The following RORA variants were observed in gnomAD, a reference collection of about 807,000 sequenced individuals.
The protein encoded by RORA is RAR related orphan receptor A.
Under a neutral mutation model 69.5 loss-of-function variants are expected in RORA, and 7 were observed. That is an observed-to-expected ratio of 0.10 (90% CI 0.06 to 0.19). The LOEUF (loss-of-function observed/expected upper bound fraction) is 0.19. Ranked by LOEUF, RORA falls within the 10% of genes least tolerant of loss-of-function variation. The pLI is 1.00. For synonymous variants in RORA, 261 were observed against 240.8 expected (o/e 1.08, Z -0.78); for missense variants, 457 against 663.0 (o/e 0.69, Z 3.41).
At chr15:60,666,091 T>C (rs569758471) in intron 2 of RORA, among the ~76,000 whole-genome samples, 39 of 152,288 alleles carry the variant, frequency 2.6e-4, no homozygotes, top group African/African-American at 8.2e-4. Context: ...GACACACTTA[T>C]TTAAAATCTA....
At chr15:60,995,206 C>A (rs1224909940) in intron 1 of RORA, among the ~76,000 whole-genome samples, 1 of 152,078 alleles carries the variant, frequency 6.6e-6, no homozygotes, top group African/African-American at 2.4e-5. Flanking sequence ...TCTTTCCTTT[C>A]CGCAGATGCT....
chr15:60,889,375 C>T (rs945827485), intron 1 of RORA, among the ~76,000 whole-genome samples: 3 of 152,142 alleles, frequency 2.0e-5, no homozygotes, highest in Admixed American at 6.5e-5. Context: ...GGAAATCCCC[C>T]CTTCTGGAAT....
At chr15:61,228,856 G>A (rs551070065) in intron 1 of RORA, among the ~76,000 whole-genome samples, 197 bp downstream of exon 1, 2 of 150,422 alleles carry the variant, frequency 1.3e-5, no homozygotes, top group East Asian at 2.0e-4. Flanking sequence ...CCCGCAAGCC[G>A]AGAACGGGCT....
chr15:60,806,940 C>T (rs1337729918), intron 1 of RORA, among the ~76,000 whole-genome samples: 3 of 152,118 alleles, frequency 2.0e-5, no homozygotes, highest in African/African-American at 7.2e-5. Flanking sequence ...CTATGACAAA[C>T]CCACAGCCAA....
intron 2 of RORA, among the ~76,000 whole-genome samples, chr15:60,574,170 T>C (rs35958943): frequency 2.0e-5 from 3 of 152,138 alleles, no homozygotes; most frequent in Non-Finnish European, 4.4e-5. Flanking sequence ...CAGCCCCCAA[T>C]TGGAGCTATG....
chr15:61,152,616 T>A (rs189349516), intron 1 of RORA, among the ~76,000 whole-genome samples: 5 of 152,166 alleles, frequency 3.3e-5, no homozygotes, highest in Non-Finnish European at 1.5e-5. Flanking sequence ...AGTACCATTC[T>A]AGGTGCCGGG....
chr15:61,191,615 G>C (rs765624434), intron 1 of RORA, among the ~76,000 whole-genome samples: 1 of 152,086 alleles, frequency 6.6e-6, no homozygotes, highest in African/African-American at 2.4e-5. Context: ...CCCCTCTATC[G>C]TTCCTTCCAA....
chr15:60,599,530 G>A (rs1044262176), intron 2 of RORA, among the ~76,000 whole-genome samples: 1 of 152,116 alleles, frequency 6.6e-6, no homozygotes, highest in Admixed American at 6.5e-5. Flanking sequence ...CAGCCTGGGC[G>A]ACAGAGCAAG....
At chr15:60,696,035 T>C (rs913296446) in intron 1 of RORA, among the ~76,000 whole-genome samples, 10 of 152,186 alleles carry the variant, frequency 6.6e-5, no homozygotes, top group African/African-American at 1.9e-4. Context: ...ATTATTATTA[T>C]ATATTATGCT....
chr15:60,521,246 C>CTT (rs1393707401), intron 3 of RORA, among the ~76,000 whole-genome samples: 5 of 128,520 alleles, frequency 3.9e-5, no homozygotes, highest in African/African-American at 7.3e-5. Flanking sequence ...AAAAAATTGT[C>CTT]ATTTTTTTTT....
At chr15:60,906,975 G>A (rs1891560493) in intron 1 of RORA, among the ~76,000 whole-genome samples, 1 of 152,112 alleles carries the variant, frequency 6.6e-6, no homozygotes, top group South Asian at 2.1e-4. Flanking sequence ...AGGAAACTGA[G>A]GCTCAGAGTG....
At chr15:61,214,039 G>A (rs372268710) in intron 1 of RORA, 2 of 152,198 alleles carry the variant, frequency 1.3e-5, no homozygotes, top group African/African-American at 4.8e-5. Flanking sequence ...AGAGATATGG[G>A]ACAGAACACT....
chr15:60,589,301 G>T (rs925936242), intron 2 of RORA, among the ~76,000 whole-genome samples: 7 of 152,246 alleles, frequency 4.6e-5, no homozygotes, highest in African/African-American at 1.7e-4. Context: ...AAGTGGTGAG[G>T]AGTCTTGCAT....
intron 1 of RORA, among the ~76,000 whole-genome samples, chr15:61,173,422 T>C (rs1299479319): frequency 1.3e-5 from 2 of 152,256 alleles, no homozygotes; most frequent in Admixed American, 6.5e-5. Context: ...GATAAATGCA[T>C]AACTTGTGTT....
chr15:61,034,424 TC>T (rs1360905390), intron 1 of RORA, among the ~76,000 whole-genome samples: 3 of 152,196 alleles, frequency 2.0e-5, no homozygotes, highest in Non-Finnish European at 2.9e-5. Context: ...CTGTTGCCTT[TC>T]TAATTGTTTA....
intron 1 of RORA, among the ~76,000 whole-genome samples, chr15:60,850,860 C>T (rs1822003519): frequency 6.6e-6 from 1 of 152,176 alleles, no homozygotes; most frequent in Non-Finnish European, 1.5e-5. Context: ...CAATGAAAGA[C>T]AAGGATAAGG....
rs150212714 is a variant in RORA at position 60,739,439 on chromosome 15, G to A, written c.167-60753C>T. On this transcript the variant is annotated intron_variant, in intron 1 of 10. Coordinates refer to ENST00000335670, the MANE Select transcript of RORA (RefSeq NM_134261.3). The stretch of plus-strand genomic sequence containing the variant: ...ACACAAAAATTAGCCAGGCGTGGTG[G>A]TGTACACCTGTGGTCCTGCTACTCG... 3.1e-3 allele frequency among the ~76,000 whole-genome samples: 477 copies of A among 152,170 alleles called. 1 individual carries two copies. Among genetic ancestry groups the A allele is most frequent in the African/African-American group, 0.011 (463 of 41,506 alleles).
intron 1 of RORA, among the ~76,000 whole-genome samples, chr15:60,842,641 C>T (rs2073214145): frequency 6.6e-6 from 1 of 152,144 alleles, no homozygotes; most frequent in South Asian, 2.1e-4. Context: ...ATGCTCTTGA[C>T]CCCTTCACTG....
chr15:60,949,574 G>A (rs886137301), intron 1 of RORA, among the ~76,000 whole-genome samples: 18 of 152,250 alleles, frequency 1.2e-4, no homozygotes, highest in East Asian at 5.8e-4. Context: ...TCGTAGCCTC[G>A]TCTGAACTCT....
Sources: allele counts gnomAD v4.1 joint callset (sites outside exome capture counted in the v4.1 genomes callset), GRCh38; gene constraint gnomAD v4.1.1; transcripts MANE v1.5; gene names NCBI Gene and HGNC (gene_info 2026-07-23, HGNC 2026-07-21).